Variants in NCAPG observed in about 807,000 individuals in gnomAD.
NCAPG encodes the protein non-SMC condensin I complex subunit G, also known as condensin complex subunit 3.
NCAPG carries 69 observed loss-of-function variants against 113.1 expected under a neutral mutation model. That is an observed-to-expected ratio of 0.61 (90% CI 0.50 to 0.75). The LOEUF is 0.75. Among genes scored for constraint, NCAPG ranks in the 30% least tolerant of loss-of-function variants. The pLI, the probability that NCAPG is intolerant of heterozygous loss-of-function variation, is 0.00. For missense variants in NCAPG, 1,058 were observed against 1,177.0 expected (o/e 0.90, Z 1.48); for synonymous variants, 370 against 415.8 (o/e 0.89, Z 1.34).
intron 11 of NCAPG, 141 bp from the exon 12 acceptor site, chr4:17,828,137 A>G (rs1721726551): frequency 2.2e-6 from 1 of 445,454 alleles, no homozygotes; most frequent in Non-Finnish European, 3.9e-6. Flanking sequence ...TCTACCATTT[A>G]CTATCTGTGT....
chr4:17,843,583 A>C lies in NCAPG; in HGVS notation c.*158A>C, dbSNP rs1354846965. ...ACTTTGGCCTGTATTAAAGCAGTAG[A>C]GCAGCATCAGTTATTATAGTCCAGA... On this transcript the variant is annotated 3_prime_UTR_variant, in exon 21 of 21. Coordinates refer to ENST00000251496, the MANE Select transcript of NCAPG (RefSeq NM_022346.5). 1 of 674,232 alleles carries C rather than the reference A, an allele frequency of 1.5e-6. No homozygotes were observed. Among genetic ancestry groups the C allele is most frequent in the Non-Finnish European group, 2.4e-6 (1 of 409,642 alleles). The allele number at this position is 674,232 out of a possible 1,614,324, so 41.8% of individuals were successfully genotyped here. A position where few individuals can be genotyped will look rare whatever the true frequency, so the allele number is the denominator to read the frequency against.
chr4:17,810,990 C>G lies in NCAPG; in HGVS notation c.-88C>G, dbSNP rs1390271794. The G allele has an allele frequency of 2.4e-5, 17 of 695,762 alleles. No individual in the cohort carries two copies. Among genetic ancestry groups the G allele is most frequent in the Non-Finnish European group, 3.9e-5 (17 of 436,278 alleles). 43.1% of individuals were successfully genotyped at this position (695,762 alleles called of 1,614,324 possible). A position where few individuals can be genotyped will look rare whatever the true frequency, so the allele number is the denominator to read the frequency against. Reference sequence around the variant, plus strand: ...TACTCCCTGGGGCTGTCATAGAAGACTACTCGGAGAGCGCTGCCTCTGGGT... The same window carrying G: ...TACTCCCTGGGGCTGTCATAGAAGAGTACTCGGAGAGCGCTGCCTCTGGGT... On this transcript the variant is annotated 5_prime_UTR_variant, in exon 1 of 21. Transcript: ENST00000251496.
At chr4:17,817,216 G>T in intron 5 of NCAPG, 45 bp from the exon 6 acceptor site, 9 of 1,394,918 alleles carry the variant, frequency 6.5e-6, no homozygotes, top group East Asian at 2.3e-5. Flanking sequence ...AGAGATGGAA[G>T]CTAGAGGGAG....
intron 7 of NCAPG, among the ~76,000 whole-genome samples, chr4:17,821,457 CTTTT>C (rs34483824): frequency 1.9e-5 from 2 of 104,486 alleles, no homozygotes; most frequent in Non-Finnish European, 1.9e-5. Context: ...TCACCCCCGC[CTTTT>C]TTTTTTTTTT....
At chr4:17,841,728 C>T (rs1324887703) in intron 19 of NCAPG, 2 of 151,812 alleles carry the variant, frequency 1.3e-5, no homozygotes, top group African/African-American at 4.8e-5. Context: ...ACTCCTTAAC[C>T]TTGTAAATTT....
Position 17,825,533 on chromosome 4 carries a change from TTGAAA to T in NCAPG, c.1627_1631del (p.Glu543Ter), listed in dbSNP as rs1193499242. On this transcript the variant is annotated frameshift_variant, in exon 11 of 21. Coordinates refer to ENST00000251496, the MANE Select transcript of NCAPG (RefSeq NM_022346.5). LOFTEE classifies it high-confidence loss of function. ...AACCTTTTGAAAGAGACAGAGCAAC[TTGAAA>T]TTAAAGAAGTCCACATAGAGAAGGT... 1 of 1,595,166 alleles carries T rather than the reference TTGAAA, an allele frequency of 6.3e-7. No individual in the cohort carries two copies. The highest frequency in any genetic ancestry group is 2.2e-5 in the East Asian group (1 of 44,598).
intron 13 of NCAPG, among the ~76,000 whole-genome samples, chr4:17,831,458 T>C (rs1433856188): frequency 6.6e-6 from 1 of 152,168 alleles, no homozygotes; most frequent in African/African-American, 2.4e-5. Flanking sequence ...GCTTACATTC[T>C]AGAAGGGGAA....
rs1401210283 is a variant in NCAPG, at chr4:17,811,413, C to T, written c.111+225C>T. Among the ~76,000 whole-genome samples the T allele has an allele frequency of 6.6e-6, 1 of 152,218 alleles. No homozygotes were observed. Among genetic ancestry groups the T allele is most frequent in the Non-Finnish European group, 1.5e-5 (1 of 68,044 alleles). ...GCCTGGGCGTCGTTCACACGGGCCC[C>T]GCCTTGGCTTTTCTGAGCCGACACC... is the stretch of plus-strand genomic sequence containing the variant. On this transcript the variant is annotated intron_variant, in intron 1 of 20. Coordinates refer to ENST00000251496, the MANE Select transcript of NCAPG (RefSeq NM_022346.5). This position sits in a 1 kb window ranked among gnomAD's most constrained non-coding sequence, Gnocchi z 5.3.
At chr4:17,822,610 T>C (rs1424361412) in intron 7 of NCAPG, among the ~76,000 whole-genome samples, 6 of 152,196 alleles carry the variant, frequency 3.9e-5, no homozygotes, top group Non-Finnish European at 7.3e-5. Context: ...TCAGATAAAC[T>C]CATCCTAAAG....
intron 3 of NCAPG, 53 bp from the exon 4 acceptor site, chr4:17,814,800 T>G: frequency 6.5e-7 from 1 of 1,534,078 alleles, no homozygotes; most frequent in Non-Finnish European, 9.0e-7. Flanking sequence ...ATTTTATGAC[T>G]GTAGTTAAAT....
rs200002313 is a variant in NCAPG, at chr4:17,823,156, G to T, written c.1259+33G>T. 6.0e-5 allele frequency: 95 copies of T among 1,581,582 alleles called. No individual in the cohort carries two copies. The African/African-American group carries it at 1.2e-3, about 20-fold the overall frequency. On this transcript the variant is annotated intron_variant, in intron 8 of 20. Coordinates refer to ENST00000251496, the MANE Select transcript of NCAPG (RefSeq NM_022346.5). Reference sequence around the variant, plus strand: ...TAAATGTTAACACTCATTCTAATTTGCCCTTCTAATTTCTTATATTGAAAT... The same window carrying T: ...TAAATGTTAACACTCATTCTAATTTTCCCTTCTAATTTCTTATATTGAAAT...
chr4:17,840,483 A>C, intron 18 of NCAPG, 124 bp from the exon 19 acceptor site: 1 of 634,018 alleles, frequency 1.6e-6, no homozygotes, highest in African/African-American at 1.9e-5. Flanking sequence ...GTGATTTATA[A>C]CTTTTCACTA....
At chr4:17,820,513 A>C (rs950788658) in intron 7 of NCAPG, among the ~76,000 whole-genome samples, 1 of 152,094 alleles carries the variant, frequency 6.6e-6, no homozygotes, top group African/African-American at 2.4e-5. Flanking sequence ...GAGGTAGGAG[A>C]ATAGCGTGAA....
chr4:17,825,415 A>G lies in NCAPG; in HGVS notation c.1507A>G (p.Lys503Glu). The G allele has an allele frequency of 1.3e-6, 2 of 1,595,138 alleles. No homozygotes were observed. Among genetic ancestry groups the G allele is most frequent in the Non-Finnish European group, 1.7e-6 (2 of 1,175,370 alleles). Residue 503 changes from lysine (K) to glutamate (E), a missense_variant, in exon 11 of 21, where the codon AAA (lysine) becomes GAA (glutamate). Lys to Glu is a moderately conservative substitution (Grantham distance 56, BLOSUM62 1). Transcript: ENST00000251496. The part of the protein sequence containing the change: ...AEIKVKLIEA[K>E]EALENCITLQ... ...AATAAAAGTTAAGCTTATCGAAGCC[A>G]AAGAAGCTTTGGAAAATTGCATTAC...
chr4:17,842,691 G>T, intron 20 of NCAPG: 1 of 268,820 alleles, frequency 3.7e-6, no homozygotes, highest in Non-Finnish European at 7.2e-6. Context: ...GATAATATTT[G>T]GGTTCTCTAC....
intron 12 of NCAPG, among the ~76,000 whole-genome samples, 164 bp downstream of exon 12, chr4:17,828,552 A>G (rs538414690): frequency 1.3e-5 from 2 of 152,304 alleles, no homozygotes; most frequent in East Asian, 3.9e-4. Flanking sequence ...TATTGTGAGG[A>G]TTAAATAAGA....
At chr4:17,842,261 A>G in intron 19 of NCAPG, 49 bp from the exon 20 acceptor site, 7 of 1,549,932 alleles carry the variant, frequency 4.5e-6, no homozygotes, top group African/African-American at 1.4e-5. Flanking sequence ...GATTAAAAAC[A>G]AAAAGCAACT....
rs765763382 is a variant in NCAPG at position 17,817,994 on chromosome 4, C to T, written c.1024C>T (p.Leu342Phe). ...TPEIALYWCALCEYLKSKGDE... is the reference protein window; with the variant it reads ...TPEIALYWCAFCEYLKSKGDE... ...TGAAATTGCTTTGTATTGGTGTGCC[C>T]TTTGTGAATATTTGAAATCAAAAGG... Residue 342 changes from leucine to phenylalanine, a missense_variant, in exon 7 of 21, where the codon CTT (leucine) becomes TTT (phenylalanine). Transcript: ENST00000251496. The T allele has an allele frequency of 1.1e-4, 185 of 1,613,036 alleles. No individual in the cohort carries two copies. Among genetic ancestry groups the T allele is most frequent in the Non-Finnish European group, 1.5e-4 (177 of 1,179,608 alleles).
At chr4:17,839,897 T>C in intron 17 of NCAPG, 60 bp downstream of exon 17, 1 of 1,500,670 alleles carries the variant, frequency 6.7e-7, no homozygotes, top group South Asian at 1.3e-5. Context: ...ATGTAGAATT[T>C]ACATGGTTGT....
Sources: allele counts gnomAD v4.1 joint callset (sites outside exome capture counted in the v4.1 genomes callset), GRCh38; gene constraint gnomAD v4.1.1; non-coding constraint Gnocchi (gnomAD v3.1); transcripts MANE v1.5; gene names NCBI Gene and HGNC (gene_info 2026-07-23, HGNC 2026-07-21).